Variants in XKR6 observed in about 807,000 individuals in gnomAD.
The protein encoded by XKR6 is XK-related protein 6.
A neutral mutation model predicts 56.7 loss-of-function variants in XKR6; 22 were observed. The ratio of observed to expected loss-of-function variants is 0.39; its 90% confidence interval spans 0.28 to 0.55. XKR6 has a LOEUF of 0.55. Ranked by LOEUF, XKR6 falls within the 20% of genes least tolerant of loss-of-function variation. The probability of loss-of-function intolerance (pLI) is 0.66; values close to 1 mark genes in which losing one functional copy is unlikely to be tolerated. For missense variants in XKR6, 852 were observed against 889.0 expected, an observed-to-expected ratio of 0.96 and a Z score of 0.53; for synonymous variants, 524 against 387.8, an observed-to-expected ratio of 1.35 and a Z score of -4.13.
At chr8:11,135,154 C>T (rs893751918) in intron 1 of XKR6, among the ~76,000 whole-genome samples, 9 of 151,428 alleles carry the variant, frequency 5.9e-5, no homozygotes, top group African/African-American at 1.5e-4. Flanking sequence ...CTCAGCCTCC[C>T]GAGTAGCTGG....
At chr8:10,937,981 C>T (rs974135790) in intron 1 of XKR6, among the ~76,000 whole-genome samples, 1 of 151,360 alleles carries the variant, frequency 6.6e-6, no homozygotes, top group African/African-American at 2.4e-5. Flanking sequence ...TGAGCAATGG[C>T]GGGCGCCCCT....
intron 2 of XKR6, among the ~76,000 whole-genome samples, chr8:10,911,255 G>GAC (rs1181311458): frequency 3.5e-5 from 5 of 141,668 alleles, no homozygotes; most frequent in Admixed American, 2.1e-4. Flanking sequence ...GAGAGAGAGA[G>GAC]ACAGAATATG....
intron 1 of XKR6, among the ~76,000 whole-genome samples, chr8:10,956,768 GC>G (rs1425518786): frequency 6.6e-6 from 1 of 152,188 alleles, no homozygotes; most frequent in Non-Finnish European, 1.5e-5. Context: ...CTCTGCTGTG[GC>G]CAGTGAGGAC....
At chr8:11,097,850 C>A in intron 1 of XKR6, among the ~76,000 whole-genome samples, 1 of 137,820 alleles carries the variant, frequency 7.3e-6, no homozygotes, top group Non-Finnish European at 1.5e-5. Flanking sequence ...TAAAGTATTA[C>A]TAAATACATC....
chr8:10,906,958 G>T (rs910307725), intron 2 of XKR6, among the ~76,000 whole-genome samples: 2 of 152,176 alleles, frequency 1.3e-5, no homozygotes, highest in African/African-American at 4.8e-5. Flanking sequence ...TGAGACAGGG[G>T]AATCGTTTGA....
At chr8:11,162,072 C>A (rs1416867013) in intron 1 of XKR6, among the ~76,000 whole-genome samples, 3 of 152,048 alleles carry the variant, frequency 2.0e-5, no homozygotes, top group Admixed American at 1.3e-4. Context: ...AAAAAACTGA[C>A]CCAGAGAAAT....
chr8:11,012,543 C>G (rs1798524869), intron 1 of XKR6, among the ~76,000 whole-genome samples: 5 of 152,122 alleles, frequency 3.3e-5, no homozygotes, highest in African/African-American at 1.2e-4. Flanking sequence ...TGGCTACATC[C>G]CTAGTCTACC....
intron 1 of XKR6, among the ~76,000 whole-genome samples, chr8:11,155,269 T>C (rs775266316): frequency 1.3e-5 from 2 of 152,268 alleles, no homozygotes; most frequent in African/African-American, 2.4e-5. Flanking sequence ...TTTGGGCAGA[T>C]TGGATTCCTT....
At chr8:11,137,870 T>C (rs1033096419) in intron 1 of XKR6, 2 of 361,556 alleles carry the variant, frequency 5.5e-6, no homozygotes, top group Non-Finnish European at 1.1e-5. Context: ...AAAAGACTGA[T>C]ATATTAAATA....
intron 1 of XKR6, among the ~76,000 whole-genome samples, chr8:11,165,983 T>A (rs2117028022): frequency 6.8e-6 from 1 of 146,480 alleles, no homozygotes; most frequent in South Asian, 2.2e-4. Flanking sequence ...TGAGATGGAG[T>A]CTCACTCTGT....
At chr8:11,017,048 A>G (rs1473141966) in intron 1 of XKR6, among the ~76,000 whole-genome samples, 1 of 152,248 alleles carries the variant, frequency 6.6e-6, no homozygotes, top group African/African-American at 2.4e-5. Context: ...ATAGATACAT[A>G]TGGATAGATC....
intron 1 of XKR6, among the ~76,000 whole-genome samples, chr8:11,178,882 T>A (rs1802818963): frequency 6.6e-6 from 1 of 151,566 alleles, no homozygotes; most frequent in Non-Finnish European, 1.5e-5. Flanking sequence ...GGCACCCAGG[T>A]TGGAGAGTAG....
At chr8:11,053,252 G>C (rs779398413) in intron 1 of XKR6, among the ~76,000 whole-genome samples, 7 of 152,216 alleles carry the variant, frequency 4.6e-5, no homozygotes, top group Non-Finnish European at 8.8e-5. Context: ...GATGGCAAGG[G>C]CTAGGGGCAA....
chr8:11,100,076 G>GGGTCT (rs1217443922), intron 1 of XKR6, among the ~76,000 whole-genome samples: 3 of 152,192 alleles, frequency 2.0e-5, no homozygotes, highest in Admixed American at 2.0e-4. Flanking sequence ...TTTTGAGGCA[G>GGGTCT]GGTCTAACTC....
At chr8:10,926,758 C>T (rs1024075018) in intron 1 of XKR6, among the ~76,000 whole-genome samples, 9 of 152,380 alleles carry the variant, frequency 5.9e-5, no homozygotes, top group Admixed American at 4.6e-4. Context: ...CAAGGTTCTG[C>T]CACCTGCTGA....
chr8:11,194,870 CTT>C (rs1563211234), intron 1 of XKR6: 1 of 461,016 alleles, frequency 2.2e-6, no homozygotes, highest in Admixed American at 3.9e-5. Flanking sequence ...GATTTTGACA[CTT>C]TGTTTCTGGA....
intron 1 of XKR6, among the ~76,000 whole-genome samples, chr8:11,041,141 A>G (rs1799276511): frequency 6.6e-6 from 1 of 152,174 alleles, no homozygotes; most frequent in Non-Finnish European, 1.5e-5. Context: ...GGGACAGCTC[A>G]GTGTACCGTA....
chr8:10,928,238 C>T lies in XKR6; in HGVS notation c.765-3408G>A, dbSNP rs79209983. Among the ~76,000 whole-genome samples, 369 of 152,320 alleles carry T rather than the reference C, an allele frequency of 2.4e-3. 2 individuals are homozygous for T. Among genetic ancestry groups the T allele is most frequent in the African/African-American group, 8.6e-3 (358 of 41,566 alleles). On this transcript the variant is annotated intron_variant, in intron 1 of 2. Coordinates refer to ENST00000416569, the MANE Select transcript of XKR6 (RefSeq NM_173683.4). Reference sequence around the variant, plus strand: ...CAGAATCCAGGCCTGACCCCATGACCTTGCTTGTCCACCACAACACGTGCA... The same window carrying T: ...CAGAATCCAGGCCTGACCCCATGACTTTGCTTGTCCACCACAACACGTGCA...
chr8:11,046,284 C>T (rs1021805580), intron 1 of XKR6, among the ~76,000 whole-genome samples: 2 of 152,018 alleles, frequency 1.3e-5, no homozygotes, highest in Non-Finnish European at 2.9e-5. Context: ...CCTGTAATCC[C>T]GGCTACTCAG....
Sources: gnomAD v4.1 joint callset for allele counts (sites outside exome capture counted in the v4.1 genomes callset) on GRCh38, gnomAD v4.1.1 for gene constraint, MANE v1.5 for transcripts, NCBI Gene and HGNC (gene_info 2026-07-23, HGNC 2026-07-21) for gene names.